Variants in ASAP2 observed in about 807,000 individuals in gnomAD.
ASAP2 encodes the protein arf-GAP with SH3 domain, ANK repeat and PH domain-containing protein 2.
In ASAP2, 45 loss-of-function variants were observed where a neutral mutation model predicts 131.4. The observed-to-expected ratio is 0.34, with a 90% CI of 0.27 to 0.44. ASAP2 has a LOEUF of 0.44. Among genes scored for constraint, ASAP2 ranks in the 20% least tolerant of loss-of-function variants. The pLI is 1.00. For missense variants in ASAP2, 1,011 were observed against 1,297.0 expected (o/e 0.78, Z 3.39); for synonymous variants, 510 against 503.0 (o/e 1.01, Z -0.19).
In ASAP2 at chr2:9,340,104, C is replaced by T. The variant is rs1671480158; in HGVS notation, c.850-4428C>T. On this transcript the variant is annotated intron_variant, in intron 9 of 27. Coordinates refer to ENST00000281419, the MANE Select transcript of ASAP2 (RefSeq NM_003887.3). ...GTGGTGCAATCTTGGCTCACTGTAA[C>T]CTCTGCCTCCTGGGTTCAAGTGATT... Among the ~76,000 whole-genome samples, 3 of 152,180 alleles carry T rather than the reference C, an allele frequency of 2.0e-5. No homozygotes were observed. The South Asian group carries it at 6.2e-4, about 32-fold the overall frequency.
At position 9,248,050 on chromosome 2, in the gene ASAP2, T is replaced by C. The variant is rs994448207; in HGVS notation, c.127-31267T>C. ...AACAGAAAAGGCCTTGGAGCTCAGC[T>C]GTCCTCGAGTCTGGGACAGACGCTA... is the stretch of plus-strand genomic sequence containing the variant. On this transcript the variant is annotated intron_variant, in intron 1 of 27. Transcript: ENST00000281419. Among the ~76,000 whole-genome samples the C allele has an allele frequency of 3.3e-5, 5 of 152,222 alleles. No homozygotes were observed. In the East Asian group the frequency reaches 9.6e-4, roughly 29 times the overall value.
intron 3 of ASAP2, among the ~76,000 whole-genome samples, chr2:9,312,789 AC>A (rs1040009179): frequency 4.0e-5 from 6 of 150,862 alleles, no homozygotes; most frequent in African/African-American, 7.3e-5. Context: ...TCATCCGTAC[AC>A]CCCCCTCTCC....
intron 9 of ASAP2, among the ~76,000 whole-genome samples, chr2:9,336,461 G>A (rs1210085810): frequency 6.6e-6 from 1 of 152,134 alleles, no homozygotes; most frequent in African/African-American, 2.4e-5. Context: ...TCCTCTTTTT[G>A]AGTGTTGGTT....
At chr2:9,313,108 A>G (rs1043898373) in intron 3 of ASAP2, among the ~76,000 whole-genome samples, 3 of 152,130 alleles carry the variant, frequency 2.0e-5, no homozygotes, top group African/African-American at 7.2e-5. Context: ...CTCATTGCCC[A>G]CTAGGCTGCG....
chr2:9,335,910 T>C (rs964877797), intron 9 of ASAP2: 3 of 152,372 alleles, frequency 2.0e-5, no homozygotes, highest in East Asian at 3.9e-4. Flanking sequence ...GAGAAATTGC[T>C]AAACTACTTG....
At chr2:9,397,776 T>TTG (rs1676283086) in intron 24 of ASAP2, among the ~76,000 whole-genome samples, 1 of 129,568 alleles carries the variant, frequency 7.7e-6, no homozygotes, top group Non-Finnish European at 1.6e-5. Flanking sequence ...TTTTTTTTTT[T>TTG]GAGACGGAGT....
intron 5 of ASAP2, among the ~76,000 whole-genome samples, chr2:9,322,119 G>A (rs555010594): frequency 2.6e-5 from 4 of 152,204 alleles, no homozygotes; most frequent in South Asian, 2.1e-4. Context: ...ACTCCTTTCC[G>A]GATGCATAGA....
intron 12 of ASAP2, among the ~76,000 whole-genome samples, chr2:9,351,723 T>C (rs985494923): frequency 6.6e-6 from 1 of 152,192 alleles, no homozygotes; most frequent in African/African-American, 2.4e-5. Flanking sequence ...CCTGTATTAT[T>C]GAGGGCTAGG....
intron 12 of ASAP2, among the ~76,000 whole-genome samples, chr2:9,352,203 A>G (rs1672382833): frequency 7.2e-6 from 1 of 138,732 alleles, no homozygotes; most frequent in Non-Finnish European, 1.6e-5. Context: ...ACTCTTTAAA[A>G]CACACACAAA....
intron 27 of ASAP2, 67 bp from the exon 28 acceptor site, chr2:9,403,185 TA>T: frequency 7.2e-7 from 1 of 1,398,312 alleles, no homozygotes; most frequent in Non-Finnish European, 1.0e-6. Flanking sequence ...ACGCTCTATG[TA>T]ATGCTCTTCA....
intron 1 of ASAP2, among the ~76,000 whole-genome samples, chr2:9,235,362 ACCCAGCCCTGGTGGGTGGCAC>A (rs1663475624): frequency 6.6e-6 from 1 of 152,130 alleles, no homozygotes; most frequent in Admixed American, 6.5e-5. Flanking sequence ...GCCTCTCAGG[ACCCAGCCCTGGTGGGTGGCAC>A]CCCAGCCCTT....
intron 1 of ASAP2, chr2:9,271,194 G>C (rs1260533546): frequency 3.4e-6 from 2 of 596,674 alleles, no homozygotes; most frequent in South Asian, 2.3e-5. Flanking sequence ...TATACAAGCT[G>C]TGAGGTTTTT....
Position 9,389,163 on chromosome 2 carries a change from C to T in ASAP2, c.2383+617C>T, listed in dbSNP as rs533912243. On this transcript the variant is annotated intron_variant, in intron 22 of 27. Transcript: ENST00000281419. The surrounding 1 kb of genome is among the most constrained non-coding windows in gnomAD (Gnocchi z 4.7). ...TTAGAAATACGCAAACCAAAGCTCT[C>T]AGAAGTTAAGTAATTTGTTCATTCC... Among the ~76,000 whole-genome samples the T allele has an allele frequency of 2.6e-5, 4 of 152,374 alleles. No individual in the cohort carries two copies. The highest frequency in any genetic ancestry group is 1.3e-4 in the Admixed American group (2 of 15,308).
intron 6 of ASAP2, among the ~76,000 whole-genome samples, chr2:9,325,048 A>G (rs1250583835): frequency 6.6e-6 from 1 of 152,232 alleles, no homozygotes; most frequent in Non-Finnish European, 1.5e-5. Flanking sequence ...GATATTCACT[A>G]GATGAAAAAC....
At chr2:9,349,469 T>C (rs1283078301) in intron 11 of ASAP2, among the ~76,000 whole-genome samples, 2 of 152,216 alleles carry the variant, frequency 1.3e-5, no homozygotes, top group African/African-American at 4.8e-5. Flanking sequence ...AGTTAGGTAA[T>C]CCGATTGGTA....
chr2:9,373,509 C>T (rs367888272), intron 16 of ASAP2, among the ~76,000 whole-genome samples: 15 of 152,218 alleles, frequency 9.9e-5, no homozygotes, highest in East Asian at 5.8e-4. Context: ...CCAGGGTAGA[C>T]AGGATCTCTA....
intron 9 of ASAP2, 130 bp from the exon 10 acceptor site, chr2:9,344,402 A>G (rs1671809014): frequency 8.6e-6 from 6 of 696,724 alleles, no homozygotes; most frequent in Non-Finnish European, 1.4e-5. Flanking sequence ...TGTGTTGAGA[A>G]AGGGAAATTT....
chr2:9,326,127 TCC>T (rs981860058), intron 6 of ASAP2, among the ~76,000 whole-genome samples: 10 of 152,318 alleles, frequency 6.6e-5, no homozygotes, highest in African/African-American at 2.4e-4. Flanking sequence ...ACACCTGCAA[TCC>T]CAGCACTTTG....
intron 18 of ASAP2, 134 bp from the exon 19 acceptor site, chr2:9,378,810 A>G (rs1674602107): frequency 5.7e-6 from 3 of 526,142 alleles, no homozygotes; most frequent in Non-Finnish European, 9.2e-6. Flanking sequence ...CACCTTGGCG[A>G]TGATTTACAG....
Sources: gnomAD v4.1 joint callset for allele counts (sites outside exome capture counted in the v4.1 genomes callset) on GRCh38, gnomAD v4.1.1 for gene constraint, Gnocchi (gnomAD v3.1) non-coding constraint, MANE v1.5 for transcripts, NCBI Gene and HGNC (gene_info 2026-07-23, HGNC 2026-07-21) for gene names.